Variants in SCMH1 observed in about 807,000 individuals in gnomAD.
SCMH1 encodes the protein Scm polycomb group protein homolog 1.
A neutral mutation model predicts 70.8 loss-of-function variants in SCMH1; 37 were observed. The observed-to-expected ratio is 0.52, with a 90% confidence interval of 0.40 to 0.69. The LOEUF (loss-of-function observed/expected upper bound fraction) is 0.69, where lower values mean the gene tolerates loss of function less well. Ranked by LOEUF, SCMH1 falls within the 30% of genes least tolerant of loss-of-function variation. The probability of loss-of-function intolerance (pLI) is 0.00; values close to 1 mark genes in which losing one functional copy is unlikely to be tolerated. For missense variants in SCMH1, 607 were observed against 827.3 expected (o/e 0.73, Z 3.27); for synonymous variants, 292 against 307.4 (o/e 0.95, Z 0.52).
chr1:41,162,219 G>T (rs1646094149), intron 2 of SCMH1, among the ~76,000 whole-genome samples: 1 of 152,200 alleles, frequency 6.6e-6, no homozygotes, highest in Admixed American at 6.5e-5. Flanking sequence ...CCCAGGATCA[G>T]AAATGCCTGC....
intron 2 of SCMH1, among the ~76,000 whole-genome samples, chr1:41,182,590 G>A (rs772255411): frequency 1.2e-4 from 18 of 151,984 alleles, no homozygotes; most frequent in Non-Finnish European, 2.5e-4. Flanking sequence ...TGGAACCTGT[G>A]ATTTCAGCTA....
At chr1:41,151,640 G>A (rs753143328) in exon 5 of SCMH1, 1 of 1,612,550 alleles carries the variant, frequency 6.2e-7, no homozygotes, top group Non-Finnish European at 8.5e-7. Context: ...ACAGGCGCTG[G>A]GACTGAACAT....
At chr1:41,227,212 C>T (rs895124948) in intron 1 of SCMH1, among the ~76,000 whole-genome samples, 2 of 152,176 alleles carry the variant, frequency 1.3e-5, no homozygotes, top group Admixed American at 1.3e-4. Context: ...CATTGGCTCC[C>T]TTTCTGAGTC....
At chr1:41,204,659 C>G (rs1460271691) in intron 1 of SCMH1, among the ~76,000 whole-genome samples, 2 of 152,222 alleles carry the variant, frequency 1.3e-5, no homozygotes, top group African/African-American at 4.8e-5. Flanking sequence ...GTCACCTCCT[C>G]AGAGAATCCT....
chr1:41,226,241 A>C (rs966944090), intron 1 of SCMH1, among the ~76,000 whole-genome samples: 1 of 152,234 alleles, frequency 6.6e-6, no homozygotes, highest in African/African-American at 2.4e-5. Context: ...TTACAAAATT[A>C]TTAGTCTGAG....
intron 1 of SCMH1, among the ~76,000 whole-genome samples, chr1:41,194,315 G>A (rs1572971735): frequency 1.3e-5 from 2 of 152,084 alleles, no homozygotes; most frequent in Non-Finnish European, 2.9e-5. Context: ...ATAAATACAG[G>A]TTCTGACCTT....
At chr1:41,099,011 A>T in intron 8 of SCMH1, 1 of 259,094 alleles carries the variant, frequency 3.9e-6, no homozygotes, top group Non-Finnish European at 7.6e-6. Flanking sequence ...GGTTGTAAAG[A>T]AGCTCTATGA....
intron 8 of SCMH1, among the ~76,000 whole-genome samples, chr1:41,094,944 C>T (rs1427802614): frequency 6.6e-6 from 1 of 151,806 alleles, no homozygotes; most frequent in African/African-American, 2.4e-5. Flanking sequence ...TCAAATGATA[C>T]CTTTCAGTGA....
intron 4 of SCMH1, among the ~76,000 whole-genome samples, chr1:41,160,554 G>T (rs933817754): frequency 3.9e-5 from 6 of 152,182 alleles, no homozygotes; most frequent in Admixed American, 3.9e-4. Context: ...GATGGCAGGG[G>T]TTTGTTTTAG....
Position 41,048,692 on chromosome 1 carries a change from G to C in SCMH1, c.1304C>G (p.Ser435Ter). ...AATATGAGCCAAAGTGTGCTTACCT[G>C]AGATAACCTCACCACCATGGCCTTG... The change falls in exon 11 of 15, where the codon TCA becomes TGA. Residue 435 changes from serine (S) to a stop codon, truncating the protein, a stop_gained and splice_region_variant. Transcript: ENST00000337495. LOFTEE classifies it high-confidence loss of function. The C allele has an allele frequency of 1.2e-6, 2 of 1,613,826 alleles. No homozygotes were observed. Among genetic ancestry groups the C allele is most frequent in the Non-Finnish European group, 1.7e-6 (2 of 1,179,930 alleles).
At chr1:41,231,547 C>T (rs1188288655) in intron 1 of SCMH1, among the ~76,000 whole-genome samples, 3 of 152,176 alleles carry the variant, frequency 2.0e-5, no homozygotes, top group Non-Finnish European at 4.4e-5. Context: ...ACCTTATTAA[C>T]TAAAGTCCAC....
chr1:41,072,104 A>G (rs1656743315), intron 9 of SCMH1, among the ~76,000 whole-genome samples: 1 of 152,244 alleles, frequency 6.6e-6, no homozygotes, highest in South Asian at 2.1e-4. Flanking sequence ...CTAAAGAGAT[A>G]GCCCTGATGA....
At chr1:41,171,009 T>C (rs72665617) in intron 2 of SCMH1, among the ~76,000 whole-genome samples, 6,842 of 152,332 alleles carry the variant, frequency 0.045, 256 homozygotes, top group Non-Finnish European at 0.062. Flanking sequence ...CTTGTTACTT[T>C]TTGTCTTCCC....
chr1:41,111,317 T>C (rs213733), intron 8 of SCMH1, among the ~76,000 whole-genome samples: 98,692 of 152,010 alleles, frequency 0.65, 33,577 homozygotes, highest in African/African-American at 0.86. Context: ...TTGGCACCTG[T>C]CCACTTCTCC....
intron 8 of SCMH1, among the ~76,000 whole-genome samples, chr1:41,086,056 G>T (rs763130963): frequency 9.2e-5 from 14 of 151,952 alleles, no homozygotes; most frequent in Non-Finnish European, 1.9e-4. Flanking sequence ...GGCCAGGATG[G>T]TCTCGATCTC....
At chr1:41,206,600 C>CA (rs1655598451) in intron 1 of SCMH1, among the ~76,000 whole-genome samples, 1 of 152,174 alleles carries the variant, frequency 6.6e-6, no homozygotes, top group South Asian at 2.1e-4. Context: ...AGAATGGAAC[C>CA]AAGTTGGAAA....
intron 8 of SCMH1, among the ~76,000 whole-genome samples, chr1:41,107,699 C>T (rs959872971): frequency 2.0e-5 from 3 of 151,842 alleles, no homozygotes; most frequent in African/African-American, 4.8e-5. Flanking sequence ...TTTGTATTTT[C>T]AGTAGAGACG....
rs1667137694 is a variant in SCMH1 at position 41,103,547 on chromosome 1, AT to A, written c.745+9735del. Among the ~76,000 whole-genome samples, 4 of 152,194 alleles carry A rather than the reference AT, an allele frequency of 2.6e-5. No homozygotes were observed. In the South Asian group the frequency reaches 8.3e-4, roughly 31 times the overall value. Reference sequence around the variant, plus strand: ...TTGGGGATTTTGTAAATTGATATGTATTGATGCTGGCACAGTGGGTGTTACA... The same window carrying A: ...TTGGGGATTTTGTAAATTGATATGTATGATGCTGGCACAGTGGGTGTTACA... On this transcript the variant is annotated intron_variant, in intron 8 of 14. Transcript: ENST00000337495.
At chr1:41,238,237 A>G (rs1387615585) in intron 1 of SCMH1, among the ~76,000 whole-genome samples, 1 of 152,124 alleles carries the variant, frequency 6.6e-6, no homozygotes, top group Admixed American at 6.5e-5. Flanking sequence ...CTACCCACCC[A>G]CTAATGATCA....
Sources: allele counts gnomAD v4.1 joint callset (sites outside exome capture counted in the v4.1 genomes callset), GRCh38; gene constraint gnomAD v4.1.1; transcripts MANE v1.5; gene names NCBI Gene and HGNC (gene_info 2026-07-23, HGNC 2026-07-21).